The following DISC1 variants were observed in gnomAD, a reference collection of about 807,000 sequenced individuals.
The protein encoded by DISC1 is DISC1 scaffold protein.
Under a neutral mutation model 84.5 loss-of-function variants are expected in DISC1, and 57 were observed. That is an observed-to-expected ratio of 0.67 (90% CI 0.55 to 0.84). The LOEUF (loss-of-function observed/expected upper bound fraction) is 0.84, where lower values mean the gene tolerates loss of function less well. DISC1 is among the 40% of genes least tolerant of loss of function. The pLI, the probability that DISC1 is intolerant of heterozygous loss-of-function variation, is 0.00. For missense variants in DISC1, 1,000 were observed against 1,057.8 expected (o/e 0.95, Z 0.76); for synonymous variants, 411 against 415.2 (o/e 0.99, Z 0.12).
intron 6 of DISC1, among the ~76,000 whole-genome samples, 182 bp from the exon 7 acceptor site, chr1:231,795,060 G>T (rs995018550): frequency 1.3e-5 from 2 of 152,132 alleles, no homozygotes; most frequent in African/African-American, 2.4e-5. Flanking sequence ...GGGAGGAAAG[G>T]TCTGTTTCCT....
chr1:231,830,327 A>G (rs2082135162), intron 9 of DISC1, among the ~76,000 whole-genome samples: 2 of 152,138 alleles, frequency 1.3e-5, no homozygotes, highest in African/African-American at 2.4e-5. Flanking sequence ...ATTATTGGTG[A>G]TGGCCTGGAT....
At chr1:231,770,355 C>T (rs113592701) in intron 5 of DISC1, among the ~76,000 whole-genome samples, 29 of 152,328 alleles carry the variant, frequency 1.9e-4, no homozygotes, top group African/African-American at 6.5e-4. Flanking sequence ...ATTCTTCTCT[C>T]AGTCCTGTAG....
intron 1 of DISC1, among the ~76,000 whole-genome samples, chr1:231,652,296 T>A (rs146133638): frequency 2.4e-4 from 37 of 152,354 alleles, no homozygotes; most frequent in African/African-American, 7.9e-4. Context: ...TGAGCCTAGA[T>A]AAGATTGTTA....
At chr1:231,736,659 C>A (rs2072546885) in intron 3 of DISC1, among the ~76,000 whole-genome samples, 1 of 152,172 alleles carries the variant, frequency 6.6e-6, no homozygotes, top group South Asian at 2.1e-4. Context: ...TTATTACAGT[C>A]TAATTCTCTG....
At chr1:231,649,940 T>C (rs1212150071) in intron 1 of DISC1, among the ~76,000 whole-genome samples, 7 of 152,202 alleles carry the variant, frequency 4.6e-5, no homozygotes, top group Non-Finnish European at 1.0e-4. Flanking sequence ...TCCCTTTATT[T>C]TGAGCCTATG....
At chr1:231,635,254 C>A (rs1023413678) in intron 1 of DISC1, among the ~76,000 whole-genome samples, 12 of 152,032 alleles carry the variant, frequency 7.9e-5, no homozygotes, top group African/African-American at 2.7e-4. Flanking sequence ...CAAGCAAATT[C>A]TTAGCATCTC....
At chr1:232,012,350 G>A (rs1436611724) in intron 11 of DISC1, among the ~76,000 whole-genome samples, 5 of 152,280 alleles carry the variant, frequency 3.3e-5, no homozygotes, top group East Asian at 1.9e-4. Flanking sequence ...GAAAACTCCC[G>A]TTTGTATTCG....
At chr1:231,994,566 C>T (rs79857065) in intron 10 of DISC1, among the ~76,000 whole-genome samples, 4,796 of 152,172 alleles carry the variant, frequency 0.032, 250 homozygotes, top group African/African-American at 0.11. Context: ...GTAGCAATAC[C>T]ATCTTACCTC....
chr1:231,905,430 G>A (rs962974372), intron 9 of DISC1, among the ~76,000 whole-genome samples: 1 of 151,868 alleles, frequency 6.6e-6, no homozygotes, highest in Non-Finnish European at 1.5e-5. Flanking sequence ...ACCAGCCTGG[G>A]CAAGATAGTG....
chr1:231,854,825 T>G (rs2084154762), intron 9 of DISC1: 1 of 303,590 alleles, frequency 3.3e-6, no homozygotes, highest in African/African-American at 2.2e-5. Context: ...CAAGCAATTC[T>G]CCTGCCTCAG....
intron 9 of DISC1, among the ~76,000 whole-genome samples, chr1:231,882,122 C>T (rs1225365407): frequency 6.6e-6 from 1 of 152,158 alleles, no homozygotes; most frequent in African/African-American, 2.4e-5. Flanking sequence ...ATTAGCTAGA[C>T]AGAGTAAATA....
intron 3 of DISC1, among the ~76,000 whole-genome samples, chr1:231,704,621 G>C (rs112143032): frequency 1.8e-4 from 28 of 151,998 alleles, no homozygotes; most frequent in African/African-American, 6.5e-4. Context: ...TTAGCCGGGC[G>C]TGGTGGCAGG....
intron 3 of DISC1, among the ~76,000 whole-genome samples, chr1:231,738,445 C>T (rs1350762509): frequency 6.6e-6 from 1 of 152,130 alleles, no homozygotes; most frequent in African/African-American, 2.4e-5. Flanking sequence ...GTAGACCTTA[C>T]ATTTTGTTGG....
intron 9 of DISC1, among the ~76,000 whole-genome samples, chr1:231,905,122 C>T (rs1022208988): frequency 5.3e-5 from 8 of 152,114 alleles, no homozygotes; most frequent in East Asian, 1.9e-4. Flanking sequence ...AAATTATCAA[C>T]GTTATCATCA....
At chr1:231,851,439 A>G (rs2083891831) in intron 9 of DISC1, among the ~76,000 whole-genome samples, 1 of 152,234 alleles carries the variant, frequency 6.6e-6, no homozygotes, top group African/African-American at 2.4e-5. Context: ...TAAAACAGTC[A>G]GCCCTGAGCA....
chr1:231,861,821 T>C (rs201914140), intron 9 of DISC1, among the ~76,000 whole-genome samples: 2 of 152,184 alleles, frequency 1.3e-5, no homozygotes, highest in Non-Finnish European at 2.9e-5. Context: ...TATTACCTCA[T>C]AGTAGATTAC....
At position 231,860,928 on chromosome 1, in the gene DISC1, T is replaced by C. The variant is rs115308006; in HGVS notation, c.1981+42411T>C. ...CCTGTGTGGGATGAGTTTGGCAGAATTGCAGACTGCATTTTTGGACCTAGC... is the reference window on the plus strand; with the variant it reads ...CCTGTGTGGGATGAGTTTGGCAGAACTGCAGACTGCATTTTTGGACCTAGC... On this transcript the variant is annotated intron_variant, in intron 9 of 12. Coordinates refer to ENST00000439617, the MANE Select transcript of DISC1 (RefSeq NM_018662.3). 1.8e-3 allele frequency among the ~76,000 whole-genome samples: 274 copies of C among 152,354 alleles called. 2 individuals are homozygous for C. Among genetic ancestry groups the C allele is most frequent in the African/African-American group, 6.1e-3 (255 of 41,584 alleles).
At chr1:231,914,501 G>A (rs2089478273) in intron 9 of DISC1, among the ~76,000 whole-genome samples, 1 of 152,174 alleles carries the variant, frequency 6.6e-6, no homozygotes, top group Admixed American at 6.5e-5. Context: ...ACACCATGTG[G>A]GAAGGAAAAT....
intron 9 of DISC1, among the ~76,000 whole-genome samples, chr1:231,939,501 A>G (rs1044773767): frequency 6.6e-6 from 1 of 152,148 alleles, no homozygotes; most frequent in African/African-American, 2.4e-5. Flanking sequence ...TGTTTGTGGG[A>G]GAAAATCCAC....
Sources: gnomAD v4.1 joint callset for allele counts (sites outside exome capture counted in the v4.1 genomes callset) on GRCh38, gnomAD v4.1.1 for gene constraint, MANE v1.5 for transcripts, NCBI Gene and HGNC (gene_info 2026-07-23, HGNC 2026-07-21) for gene names.